Variants in LAMA5 observed in about 807,000 individuals in gnomAD.
LAMA5 encodes the protein laminin subunit alpha 5.
Under a neutral mutation model 433.4 loss-of-function variants are expected in LAMA5, and 260 were observed. That is an observed-to-expected ratio of 0.60 (90% CI 0.54 to 0.66). The LOEUF is 0.66. Ranked by LOEUF, LAMA5 falls within the 30% of genes least tolerant of loss-of-function variation. The pLI is 0.00. For synonymous variants in LAMA5, 2,620 were observed against 2,226.6 expected, an observed-to-expected ratio of 1.18 and a Z score of -4.97; for missense variants, 5,378 against 5,258.5, an observed-to-expected ratio of 1.02 and a Z score of -0.70.
chr20:62,316,023 G>C lies in LAMA5; in HGVS notation c.7792C>G (p.Arg2598Gly), dbSNP rs773772761. 1.2e-6 allele frequency: 2 copies of C among 1,609,598 alleles called. No individual in the cohort carries two copies. The highest frequency in any genetic ancestry group is 1.7e-6 in the Non-Finnish European group (2 of 1,179,468). ...TGGTCCTTCTTGGCCCGGACATCTCGGAGCTGGGTCCTGGCACCCTGGAGG... is the reference window on the plus strand; with the variant it reads ...TGGTCCTTCTTGGCCCGGACATCTCCGAGCTGGGTCCTGGCACCCTGGAGG... ...AALQGARTQL[R>G]DVRAKKDQLE... is the part of the protein sequence containing the mutation. Residue 2598 changes from arginine to glycine, a missense_variant, in exon 58 of 80, where the codon CGA becomes GGA. Arg to Gly is a moderately radical substitution (Grantham distance 125, BLOSUM62 -2). Coordinates refer to ENST00000252999, the MANE Select transcript of LAMA5 (RefSeq NM_005560.6).
At chr20:62,355,217 C>T (rs1461652925) in intron 2 of LAMA5, 3 of 152,378 alleles carry the variant, frequency 2.0e-5, no homozygotes, top group African/African-American at 4.8e-5. Context: ...CACACCTCCT[C>T]GGGACCCTGA....
chr20:62,326,842 C>T (rs1979379004), intron 39 of LAMA5, 23 bp downstream of exon 39: 1 of 1,604,698 alleles, frequency 6.2e-7, no homozygotes, highest in Non-Finnish European at 8.5e-7. Flanking sequence ...AACCACCCTG[C>T]CACATCATCT....
rs1985774919 is a variant in LAMA5 at position 62,309,173 on chromosome 20, GTATTT to G, written c.*158_*162del. 3 of 714,616 alleles carry G rather than the reference GTATTT, an allele frequency of 4.2e-6. No homozygotes were observed. The highest frequency in any genetic ancestry group is 6.9e-5 in the Admixed American group (2 of 28,858). The allele number at this position is 714,616 out of a possible 1,614,324, so 44.3% of individuals were successfully genotyped here. A position where few individuals can be genotyped will look rare whatever the true frequency, so the allele number is the denominator to read the frequency against. The stretch of plus-strand genomic sequence containing the variant: ...GGGCCAAATATAAAAACATTTTGCA[GTATTT>G]TATTCTTTCGTTTAAGAAGCTATAA... On this transcript the variant is annotated 3_prime_UTR_variant, in exon 80 of 80. Transcript: ENST00000252999.
At chr20:62,348,469 T>C (rs567144595) in intron 6 of LAMA5, among the ~76,000 whole-genome samples, 245 of 152,030 alleles carry the variant, frequency 1.6e-3, no homozygotes, top group Admixed American at 3.5e-3. Context: ...TAGCCGGGTG[T>C]GGTGGCAGGT....
chr20:62,311,081 T>C lies in LAMA5; in HGVS notation c.10102A>G (p.Met3368Val), dbSNP rs1339990750. ...ARHRNWPSLSMHVLPRSSRGL... is the reference protein window; with the variant it reads ...ARHRNWPSLSVHVLPRSSRGL... ...CGGGAGCTTCGCGGGAGGACGTGCA[T>C]GGAGAGACTGGGCCTGGAAGCGGAG... The change falls in exon 74 of 80, where the codon ATG (methionine) becomes GTG (valine). Residue 3368 changes from methionine (M) to valine (V), a missense_variant. By Grantham distance (21) the Met-to-Val change is conservative. Coordinates refer to ENST00000252999, the MANE Select transcript of LAMA5 (RefSeq NM_005560.6). 10 of 1,581,562 alleles carry C rather than the reference T, an allele frequency of 6.3e-6. No homozygotes were observed. The highest frequency in any genetic ancestry group is 1.1e-5 in the South Asian group (1 of 87,302).
Position 62,327,522 on chromosome 20 carries a change from G to A in LAMA5, c.4938+7C>T, listed in dbSNP as rs1355594815. The A allele has an allele frequency of 6.2e-7, 1 of 1,612,784 alleles. No individual in the cohort carries two copies. The highest frequency in any genetic ancestry group is 1.3e-5 in the African/African-American group (1 of 74,950). On this transcript the variant is annotated splice_region_variant and intron_variant, in intron 37 of 79. Coordinates refer to ENST00000252999, the MANE Select transcript of LAMA5 (RefSeq NM_005560.6). ...AGAAGGCAATGCCCTCAGTCCTGCA[G>A]GCGCACCTCCTGGCGGGTGTAGGAC...
Position 62,310,959 on chromosome 20 carries a change from G to T in LAMA5, c.10224C>A (p.Leu3408=). The T allele has an allele frequency of 6.2e-7, 1 of 1,611,446 alleles. No individual in the cohort carries two copies. Among genetic ancestry groups the T allele is most frequent in the Non-Finnish European group, 8.5e-7 (1 of 1,179,546 alleles). The change falls in exon 74 of 80, where the codon CTC becomes CTA. Residue 3408 remains leucine, a synonymous_variant. Coordinates refer to ENST00000252999, the MANE Select transcript of LAMA5 (RefSeq NM_005560.6). ...NGHFVAQMEG[L]GTRLRAQSRQ... ...GGCTCTGGGCGCGGAGCCGAGTCCC[G>T]AGGCCTTCCATCTGTGCAACGAAGT...
intron 11 of LAMA5, among the ~76,000 whole-genome samples, chr20:62,341,086 A>T (rs919142153): frequency 2.8e-5 from 4 of 143,146 alleles, no homozygotes; most frequent in Admixed American, 1.4e-4. Context: ...AAATAAAATT[A>T]AAAAATAAAA....
Position 62,313,130 on chromosome 20 carries a change from C to T in LAMA5, c.8913G>A (p.Arg2971=). The change falls in exon 65 of 80, where the codon CGG becomes CGA. Residue 2971 remains arginine (R), a synonymous_variant. Coordinates refer to ENST00000252999, the MANE Select transcript of LAMA5 (RefSeq NM_005560.6). The part of the protein sequence containing the change: ...STTKRFEQEL[R]LVSYSGVLFF... ...AGAGCACCCCGCTGTAGGACACGAGCCGCAGCTCCTGCTCGAAGCGCTTGG... is the reference window on the plus strand; with the variant it reads ...AGAGCACCCCGCTGTAGGACACGAGTCGCAGCTCCTGCTCGAAGCGCTTGG... 6.2e-7 allele frequency: 1 copy of T among 1,609,022 alleles called. No individual in the cohort carries two copies. Among genetic ancestry groups the T allele is most frequent in the Non-Finnish European group, 8.5e-7 (1 of 1,179,692 alleles).
intron 79 of LAMA5, 92 bp downstream of exon 79, chr20:62,309,624 C>T (rs1601260611): frequency 1.8e-5 from 7 of 381,868 alleles, no homozygotes; most frequent in Admixed American, 9.6e-5. Flanking sequence ...TGGGAGGGGG[C>T]AGGGGGTGGA....
chr20:62,339,331 G>A (rs1353007313), intron 11 of LAMA5, among the ~76,000 whole-genome samples: 1 of 145,398 alleles, frequency 6.9e-6, no homozygotes, highest in Non-Finnish European at 1.5e-5. Context: ...TCTGCCTCCC[G>A]GGTTCACACC....
chr20:62,361,128 C>A (rs1358669577), intron 2 of LAMA5, among the ~76,000 whole-genome samples: 2 of 152,180 alleles, frequency 1.3e-5, no homozygotes, highest in Admixed American at 1.3e-4. Context: ...ACGCTACAGC[C>A]AAGGTGGGGG....
chr20:62,322,887 T>G, intron 45 of LAMA5, 129 bp from the exon 46 acceptor site: 1 of 594,580 alleles, frequency 1.7e-6, no homozygotes, highest in Non-Finnish European at 2.8e-6. Context: ...ACCACCCGGC[T>G]ACCCACTCGT....
rs547597896 is a variant in LAMA5 at position 62,311,867 on chromosome 20, C to T, written c.9635+53G>A. 110 of 1,430,188 alleles carry T rather than the reference C, an allele frequency of 7.7e-5. No individual in the cohort carries two copies. The African/African-American group carries it at 1.3e-3, about 17-fold the overall frequency. 88.6% of individuals were successfully genotyped at this position (1,430,188 alleles called of 1,614,324 possible). ...GAGGAGACAGAGGTCCAGGCAAGTGCAGGCGGGCGTCCCTCCAGACCTTCA... is the reference window on the plus strand; with the variant it reads ...GAGGAGACAGAGGTCCAGGCAAGTGTAGGCGGGCGTCCCTCCAGACCTTCA... On this transcript the variant is annotated intron_variant, in intron 70 of 79. Coordinates refer to ENST00000252999, the MANE Select transcript of LAMA5 (RefSeq NM_005560.6).
intron 6 of LAMA5, 25 bp from the exon 7 acceptor site, chr20:62,347,053 T>C (rs761844553): frequency 6.3e-7 from 1 of 1,576,666 alleles, no homozygotes; most frequent in South Asian, 1.1e-5. Context: ...GGAGGGGGGA[T>C]CAGGCCCATC....
rs370065146 is a variant in LAMA5 at position 62,352,310 on chromosome 20, T to C, written c.619A>G (p.Ile207Val). The C allele has an allele frequency of 1.1e-5, 18 of 1,600,034 alleles. No homozygotes were observed. The highest frequency in any genetic ancestry group is 1.4e-5 in the Non-Finnish European group (17 of 1,179,736). The change falls in exon 4 of 80, where the codon ATC becomes GTC. Residue 207 changes from isoleucine to valine, a missense_variant. Coordinates refer to ENST00000252999, the MANE Select transcript of LAMA5 (RefSeq NM_005560.6). Reference protein sequence around the residue: ...ERFGPQTLERITRDDAAICTT... With the variant: ...ERFGPQTLERVTRDDAAICTT... The stretch of plus-strand genomic sequence containing the variant: ...CAGATGGCCGCGTCGTCCCGTGTGA[T>C]GCGCTCCAGCGTCTGTGGCCCGAAC...
rs919103744 is a variant in LAMA5, at chr20:62,313,438, G to A, written c.8681C>T (p.Pro2894Leu). The A allele has an allele frequency of 6.2e-6, 10 of 1,609,788 alleles. No individual in the cohort carries two copies. The highest frequency in any genetic ancestry group is 8.5e-6 in the Non-Finnish European group (10 of 1,178,708). The change falls in exon 64 of 80, where the codon CCC becomes CTC. Residue 2894 changes from proline (P) to leucine (L), a missense_variant. Pro to Leu is a moderately conservative substitution (Grantham distance 98). Coordinates refer to ENST00000252999, the MANE Select transcript of LAMA5 (RefSeq NM_005560.6). ...CATCTCGATGCAGCCCCGGTAGCCG[G>A]GGAAGCGAAGCAGGGGAGGGGGCTG... ...TFTPPPLLRF[P>L]GYRGCIEMDT...
intron 6 of LAMA5, among the ~76,000 whole-genome samples, chr20:62,347,333 G>A (rs530050357): frequency 4.6e-5 from 7 of 152,210 alleles, no homozygotes; most frequent in Admixed American, 2.0e-4. Flanking sequence ...TGCACTGACC[G>A]GGTGGGGCCT....
In LAMA5 at chr20:62,346,746, C is replaced by T. The variant is rs1210539251; in HGVS notation, c.1127G>A (p.Arg376Gln). Residue 376 changes from arginine (R) to glutamine (Q), a missense_variant, in exon 8 of 80, where the codon CGG becomes CAG. Coordinates refer to ENST00000252999, the MANE Select transcript of LAMA5 (RefSeq NM_005560.6). Reference protein sequence around the residue: ...TDCYYDPEVDRRRASQSLDGT... With the variant: ...TDCYYDPEVDQRRASQSLDGT... ...ATCCAGGCTCTGGCTGGCGCGGCGCCGGTCCACCTCAGGGTCGTAGTAACA... is the reference window on the plus strand; with the variant it reads ...ATCCAGGCTCTGGCTGGCGCGGCGCTGGTCCACCTCAGGGTCGTAGTAACA... The T allele has an allele frequency of 1.7e-5, 27 of 1,612,964 alleles. No individual in the cohort carries two copies. The highest frequency in any genetic ancestry group is 2.7e-5 in the African/African-American group (2 of 74,932).
Sources: gnomAD v4.1 joint callset for allele counts (sites outside exome capture counted in the v4.1 genomes callset) on GRCh38, gnomAD v4.1.1 for gene constraint, MANE v1.5 for transcripts, NCBI Gene and HGNC (gene_info 2026-07-23, HGNC 2026-07-21) for gene names.